Variants in IL1RAPL1 observed in about 807,000 individuals in gnomAD.
IL1RAPL1 encodes interleukin 1 receptor accessory protein like 1.
IL1RAPL1 carries 3 observed loss-of-function variants against 48.4 expected under a neutral mutation model. That is an observed-to-expected ratio of 0.06 (90% CI 0.03 to 0.16). The LOEUF is 0.16. IL1RAPL1 is among the 10% of genes least tolerant of loss of function. IL1RAPL1 has a pLI of 1.00. For missense variants in IL1RAPL1, 349 were observed against 530.6 expected, an observed-to-expected ratio of 0.66 and a Z score of 3.36; for synonymous variants, 185 against 187.7, an observed-to-expected ratio of 0.99 and a Z score of 0.12.
chrX:29,193,601 G>A (rs1233271898), intron 2 of IL1RAPL1, among the ~76,000 whole-genome samples: 5 of 110,662 alleles, frequency 4.5e-5, no homozygotes, highest in East Asian at 2.8e-4. Context: ...TAGATATAGT[G>A]TAGTAAAAGA....
intron 2 of IL1RAPL1, among the ~76,000 whole-genome samples, chrX:28,799,580 G>A (rs772197877): frequency 7.1e-5 from 8 of 112,179 alleles, no homozygotes; most frequent in African/African-American, 2.6e-4. Context: ...ATCAAACTAT[G>A]TAGGATCATA....
At chrX:29,720,797 A>T (rs1211738755) in intron 6 of IL1RAPL1, among the ~76,000 whole-genome samples, 1 of 112,336 alleles carries the variant, frequency 8.9e-6, no homozygotes, top group Admixed American at 9.5e-5. Context: ...AAAACAGCTG[A>T]CAAAACAGAA....
intron 5 of IL1RAPL1, among the ~76,000 whole-genome samples, chrX:29,457,362 G>A (rs1213040957): frequency 9.0e-6 from 1 of 110,641 alleles, no homozygotes; most frequent in African/African-American, 3.3e-5. Context: ...TAAGTAGTCT[G>A]TAGTGCCTAT....
intron 6 of IL1RAPL1, among the ~76,000 whole-genome samples, chrX:29,682,588 T>C (rs1926489841): frequency 8.9e-6 from 1 of 112,190 alleles, no homozygotes; most frequent in African/African-American, 3.2e-5. Context: ...GTACATATTT[T>C]TGTGTGTCTA....
chrX:29,349,392 A>G (rs1933192992), intron 3 of IL1RAPL1, among the ~76,000 whole-genome samples: 2 of 112,023 alleles, frequency 1.8e-5, no homozygotes, highest in Admixed American at 9.5e-5. Flanking sequence ...CTTTAAGTTT[A>G]TGAGTGGCTT....
intron 5 of IL1RAPL1, among the ~76,000 whole-genome samples, chrX:29,615,277 C>G (rs183723251): frequency 8.9e-6 from 1 of 111,884 alleles, no homozygotes; most frequent in African/African-American, 3.3e-5. Context: ...CCTAATATTA[C>G]GACTTTTCCA....
chrX:28,724,996 G>C (rs1935648819), intron 1 of IL1RAPL1, among the ~76,000 whole-genome samples: 1 of 101,207 alleles, frequency 9.9e-6, no homozygotes, highest in Non-Finnish European at 2.0e-5. Flanking sequence ...CTGTCCCCCA[G>C]GCTGGAGTGC....
intron 5 of IL1RAPL1, among the ~76,000 whole-genome samples, chrX:29,558,230 A>G (rs906562852): frequency 3.6e-5 from 4 of 111,937 alleles, no homozygotes; most frequent in African/African-American, 1.3e-4. Context: ...TAGCCATTGT[A>G]ACAGTTGTGC....
chrX:29,666,185 C>T lies in IL1RAPL1; in HGVS notation c.704-2245C>T, dbSNP rs1925993738. 3.6e-5 allele frequency among the ~76,000 whole-genome samples: 4 copies of T among 111,061 alleles called. No individual in the cohort carries two copies. The Admixed American group carries it at 3.9e-4, about 11-fold the overall frequency. Reference sequence around the variant, plus strand: ...TACAAAGCACCGTAAGGTATAAGGACAGAAACTAAAGATATTCCAAACCCT... The same window carrying T: ...TACAAAGCACCGTAAGGTATAAGGATAGAAACTAAAGATATTCCAAACCCT... On this transcript the variant is annotated intron_variant, in intron 5 of 10. Transcript: ENST00000378993.
intron 2 of IL1RAPL1, among the ~76,000 whole-genome samples, chrX:29,017,471 A>G (rs987519908): frequency 8.9e-6 from 1 of 111,995 alleles, no homozygotes; most frequent in African/African-American, 3.2e-5. Context: ...TGTAGCAACA[A>G]GAGACTTTCT....
At chrX:29,785,251 T>C (rs1375777046) in intron 6 of IL1RAPL1, among the ~76,000 whole-genome samples, 1 of 112,113 alleles carries the variant, frequency 8.9e-6, no homozygotes, top group East Asian at 2.8e-4. Context: ...GAAAAGATGC[T>C]CAGCACCATT....
At chrX:29,349,932 C>A (rs1933200765) in intron 3 of IL1RAPL1, among the ~76,000 whole-genome samples, 1 of 107,982 alleles carries the variant, frequency 9.3e-6, no homozygotes, top group African/African-American at 3.4e-5. Flanking sequence ...GTTCTAGGCT[C>A]AATTAATCTA....
chrX:29,171,509 A>G (rs1929907011), intron 2 of IL1RAPL1, among the ~76,000 whole-genome samples: 1 of 111,707 alleles, frequency 9.0e-6, no homozygotes, highest in South Asian at 3.8e-4. Flanking sequence ...TAACTAATAT[A>G]AAACGCTTAG....
intron 2 of IL1RAPL1, among the ~76,000 whole-genome samples, chrX:28,998,425 A>G (rs1925772144): frequency 8.9e-6 from 1 of 111,892 alleles, no homozygotes; most frequent in Admixed American, 9.5e-5. Context: ...CTCTCAACAT[A>G]TTAATGGGAA....
At chrX:29,200,163 T>C (rs867215693) in intron 2 of IL1RAPL1, among the ~76,000 whole-genome samples, 1 of 99,284 alleles carries the variant, frequency 1.0e-5, no homozygotes, top group African/African-American at 3.7e-5. Context: ...AAAAAAAAAA[T>C]CCAACAGTCA....
intron 1 of IL1RAPL1, among the ~76,000 whole-genome samples, chrX:28,624,576 G>A (rs1934317919): frequency 9.0e-6 from 1 of 111,116 alleles, no homozygotes; most frequent in African/African-American, 3.3e-5. Context: ...CCCATTATTA[G>A]ACCTGTTTCC....
intron 2 of IL1RAPL1, among the ~76,000 whole-genome samples, chrX:29,089,954 TTCATTTCA>T (rs1167995266): frequency 9.5e-6 from 1 of 105,275 alleles, no homozygotes; most frequent in Non-Finnish European, 1.9e-5. Context: ...CTTTTTCTTA[TTCATTTCA>T]TCCCAGAGAA....
At chrX:28,695,467 A>T (rs1325336931) in intron 1 of IL1RAPL1, among the ~76,000 whole-genome samples, 4 of 111,723 alleles carry the variant, frequency 3.6e-5, no homozygotes, top group African/African-American at 1.3e-4. Flanking sequence ...ATATCCTCAG[A>T]CTTTCAGGGT....
At chrX:29,925,435 T>TTTTTG in intron 8 of IL1RAPL1, among the ~76,000 whole-genome samples, 1 of 24,809 alleles carries the variant, frequency 4.0e-5, no homozygotes, top group Admixed American at 6.3e-4. Context: ...TTTTTTTTTT[T>TTTTTG]TTTTTTTTTT....
Sources: gnomAD v4.1 joint callset for allele counts (sites outside exome capture counted in the v4.1 genomes callset) on GRCh38, gnomAD v4.1.1 for gene constraint, MANE v1.5 for transcripts, NCBI Gene and HGNC (gene_info 2026-07-23, HGNC 2026-07-21) for gene names.